Variants in UNC79 observed in about 807,000 individuals in gnomAD.
UNC79 encodes the protein protein unc-79 homolog.
UNC79 carries 37 observed loss-of-function variants against 283.1 expected under a neutral mutation model. The observed-to-expected ratio is 0.13, with a 90% CI of 0.10 to 0.17. The LOEUF (loss-of-function observed/expected upper bound fraction) is 0.17, where lower values mean the gene tolerates loss of function less well. Ranked by LOEUF, UNC79 falls within the 10% of genes least tolerant of loss-of-function variation. The pLI, the probability that UNC79 is intolerant of heterozygous loss-of-function variation, is 1.00. For synonymous variants in UNC79, 1,107 were observed against 1,200.2 expected, an observed-to-expected ratio of 0.92 and a Z score of 1.61; for missense variants, 2,272 against 3,211.1, an observed-to-expected ratio of 0.71 and a Z score of 7.07.
At chr14:93,359,952 G>T (rs900922065) in intron 1 of UNC79, among the ~76,000 whole-genome samples, 2 of 152,160 alleles carry the variant, frequency 1.3e-5, no homozygotes, top group East Asian at 3.9e-4. Context: ...CAGACATTTT[G>T]GGGATTACTG....
At chr14:93,670,921 AT>A (rs1200304210) in intron 40 of UNC79, among the ~76,000 whole-genome samples, 6 of 152,204 alleles carry the variant, frequency 3.9e-5, no homozygotes, top group African/African-American at 1.2e-4. Flanking sequence ...CCAAATATAT[AT>A]TTTACAGTAT....
intron 38 of UNC79, 90 bp downstream of exon 41, chr14:93,655,497 T>C: frequency 2.0e-6 from 3 of 1,482,654 alleles, no homozygotes; most frequent in Non-Finnish European, 2.7e-6. Context: ...GGTGATTTAA[T>C]GTATCGCAAA....
At chr14:93,374,790 T>G (rs543902406) in intron 1 of UNC79, among the ~76,000 whole-genome samples, 3 of 152,202 alleles carry the variant, frequency 2.0e-5, no homozygotes, top group Non-Finnish European at 4.4e-5. Context: ...CAAGTGATCC[T>G]TCTGCCTTGG....
chr14:93,430,848 C>T lies in UNC79; in HGVS notation c.-182C>T, dbSNP rs1048990900. 16 of 518,002 alleles carry T rather than the reference C, an allele frequency of 3.1e-5. No homozygotes were observed. The African/African-American group carries it at 3.2e-4, about 11-fold the overall frequency. 32.1% of individuals were successfully genotyped at this position (518,002 alleles called of 1,614,324 possible). On this transcript the variant is annotated 5_prime_UTR_variant, in exon 1 of 49. Coordinates refer to ENST00000555664, the Ensembl canonical transcript of UNC79. The surrounding 1 kb of genome is among the most constrained non-coding windows in gnomAD (Gnocchi z 4.6). ...GGGGCGATTTCCTAACCTTCCGGGA[C>T]CGAATTCTGCAATTTGATGTGCGTT...
At chr14:93,353,928 C>T (rs10144144) in intron 1 of UNC79, among the ~76,000 whole-genome samples, 81,782 of 151,874 alleles carry the variant, frequency 0.54, 22,563 homozygotes, top group Admixed American at 0.65. Context: ...AGGAGATAGA[C>T]AAACATGTAA....
At chr14:93,542,394 T>C in intron 13 of UNC79, 72 bp from the exon 14 acceptor site, 1 of 1,448,336 alleles carries the variant, frequency 6.9e-7, no homozygotes, top group South Asian at 1.3e-5. Flanking sequence ...ATTTTTTGCC[T>C]CTTAATGCAC....
chr14:93,620,802 C>T, intron 29 of UNC79, 90 bp from the exon 31 acceptor site: 1 of 367,864 alleles, frequency 2.7e-6, no homozygotes, highest in Non-Finnish European at 5.4e-6. Context: ...AGACCTTGTT[C>T]CATAATGCTT....
intron 35 of UNC79, among the ~76,000 whole-genome samples, chr14:93,648,819 AT>A (rs1313567354): frequency 6.6e-6 from 1 of 152,230 alleles, no homozygotes. Flanking sequence ...AAAAGCCAAT[AT>A]AACCACAGCA....
intron 5 of UNC79, among the ~76,000 whole-genome samples, chr14:93,495,609 G>C (rs1489248130): frequency 6.6e-6 from 1 of 152,186 alleles, no homozygotes; most frequent in African/African-American, 2.4e-5. Context: ...ATGAAGCCAA[G>C]GAGTGTTTCA....
rs555100117 is a variant in UNC79 at position 93,508,246 on chromosome 14, T to C, written c.898+10960T>C. On this transcript the variant is annotated intron_variant, in intron 7 of 48. Transcript: ENST00000555664. ...ACTAAACCCGAAAAAAGGCCAGGCA[T>C]GGTGGCTCACACCTGTAATTCTAGC... Among the ~76,000 whole-genome samples, 286 of 149,930 alleles carry C rather than the reference T, an allele frequency of 1.9e-3. 2 individuals carry two copies. The highest frequency in any genetic ancestry group is 6.7e-3 in the African/African-American group (272 of 40,874).
At chr14:93,362,441 C>T (rs1334574993) in intron 1 of UNC79, among the ~76,000 whole-genome samples, 8 of 152,040 alleles carry the variant, frequency 5.3e-5, no homozygotes, top group Non-Finnish European at 1.0e-4. Flanking sequence ...CTCCACCTCC[C>T]GGGTTCCAGC....
At chr14:93,618,076 C>T in intron 28 of UNC79, 116 bp from the exon 30 acceptor site, 1 of 1,123,838 alleles carries the variant, frequency 8.9e-7, no homozygotes, top group Non-Finnish European at 1.2e-6. Flanking sequence ...CTCTCTCTCT[C>T]TCATATATAT....
At chr14:93,540,694 C>G in exon 13 of UNC79, 1 of 1,613,606 alleles carries the variant, frequency 6.2e-7, no homozygotes, top group South Asian at 1.1e-5. Context: ...TGCTGAGCAG[C>G]GAGAACATGA....
chr14:93,590,706 T>C (rs927200864), intron 22 of UNC79, among the ~76,000 whole-genome samples: 3 of 152,164 alleles, frequency 2.0e-5, no homozygotes, highest in African/African-American at 7.2e-5. Flanking sequence ...AAAGGACTTG[T>C]GGAAGAGATG....
intron 1 of UNC79, among the ~76,000 whole-genome samples, chr14:93,349,357 CGTCT>C (rs915175179): frequency 6.6e-6 from 1 of 152,100 alleles, no homozygotes; most frequent in African/African-American, 2.4e-5. Flanking sequence ...CAAGACTGGC[CGTCT>C]GGTAGGCAGG....
intron 22 of UNC79, among the ~76,000 whole-genome samples, chr14:93,588,765 A>G (rs887482499): frequency 6.1e-4 from 92 of 150,754 alleles, no homozygotes; most frequent in African/African-American, 1.3e-3. Flanking sequence ...AAAAAAAAAA[A>G]AGAGAGAGAA....
chr14:93,571,932 T>C (rs571244971), exon 15 of UNC79: 9 of 1,614,092 alleles, frequency 5.6e-6, no homozygotes, highest in East Asian at 4.5e-5. Flanking sequence ...GCACAGTGAC[T>C]CAGCTGAAGG....
chr14:93,662,897 C>G (rs901616512), intron 40 of UNC79, among the ~76,000 whole-genome samples, 183 bp downstream of exon 43: 1 of 151,956 alleles, frequency 6.6e-6, no homozygotes, highest in African/African-American at 2.4e-5. Flanking sequence ...CACACACACA[C>G]ACACACAAAC....
At position 93,641,423 on chromosome 14, in the gene UNC79, C is replaced by T. The variant is rs375564481; in HGVS notation, c.5903+176C>T. 5.2e-4 allele frequency among the ~76,000 whole-genome samples: 79 copies of T among 152,206 alleles called. No homozygotes were observed. The South Asian group carries it at 0.016, about 31-fold the overall frequency. On this transcript the variant is annotated intron_variant, in intron 33 of 48. Coordinates refer to ENST00000555664, the Ensembl canonical transcript of UNC79. Reference sequence around the variant, plus strand: ...TGAGTATGATAAAGAATAACCAAAGCGGGTGGATTGCTTGAGCCCAGGAGT... The same window carrying T: ...TGAGTATGATAAAGAATAACCAAAGTGGGTGGATTGCTTGAGCCCAGGAGT...
Sources: gnomAD v4.1 joint callset for allele counts (sites outside exome capture counted in the v4.1 genomes callset) on GRCh38, gnomAD v4.1.1 for gene constraint, Gnocchi (gnomAD v3.1) non-coding constraint, MANE v1.5 for transcripts, NCBI Gene and HGNC (gene_info 2026-07-23, HGNC 2026-07-21) for gene names.